DNAH11: variants seen among roughly 807,000 people sequenced by gnomAD.
DNAH11 encodes the protein dynein axonemal heavy chain 11.
Under a neutral mutation model 526.0 loss-of-function variants are expected in DNAH11, and 442 were observed. The observed-to-expected ratio is 0.84, with a 90% CI of 0.78 to 0.91. The LOEUF (loss-of-function observed/expected upper bound fraction) is 0.91, where lower values mean the gene tolerates loss of function less well. Among genes scored for constraint, DNAH11 ranks in the 40% least tolerant of loss-of-function variants. The pLI is 0.00. For synonymous variants in DNAH11, 2,461 were observed against 1,935.9 expected (o/e 1.27, Z -7.12); for missense variants, 6,989 against 5,448.7 (o/e 1.28, Z -8.90).
chr7:21,784,088 A>G (rs1017903844), intron 57 of DNAH11, among the ~76,000 whole-genome samples: 3 of 152,060 alleles, frequency 2.0e-5, no homozygotes, highest in Admixed American at 6.6e-5. Flanking sequence ...TTAATCCAGG[A>G]CTCTCTGAAA....
At chr7:21,563,267 G>A (rs1300711145) in intron 5 of DNAH11, among the ~76,000 whole-genome samples, 1 of 151,434 alleles carries the variant, frequency 6.6e-6, no homozygotes, top group Non-Finnish European at 1.5e-5. Flanking sequence ...GGAGTGCAGT[G>A]GTATGATCAT....
intron 25 of DNAH11, among the ~76,000 whole-genome samples, chr7:21,623,388 C>T (rs552401989): frequency 6.6e-6 from 1 of 152,110 alleles, no homozygotes; most frequent in Non-Finnish European, 1.5e-5. Flanking sequence ...TAGTTCAACC[C>T]TTGTGGAAGT....
At chr7:21,638,290 A>C (rs975995310) in intron 27 of DNAH11, among the ~76,000 whole-genome samples, 2 of 152,220 alleles carry the variant, frequency 1.3e-5, no homozygotes, top group African/African-American at 4.8e-5. Context: ...AGATCTAGAT[A>C]AAATTTTATA....
chr7:21,886,226 TATAATC>T (rs1457242114), intron 76 of DNAH11, among the ~76,000 whole-genome samples: 3 of 152,154 alleles, frequency 2.0e-5, no homozygotes, highest in African/African-American at 7.2e-5. Flanking sequence ...TGAGAAGTAA[TATAATC>T]ATATCAGTCT....
intron 65 of DNAH11, among the ~76,000 whole-genome samples, chr7:21,836,060 T>C (rs1188132151): frequency 6.6e-6 from 1 of 151,962 alleles, no homozygotes; most frequent in East Asian, 1.9e-4. Flanking sequence ...GAAAAATCCT[T>C]ACAAAGAAAA....
chr7:21,553,924 G>A, intron 2 of DNAH11, among the ~76,000 whole-genome samples: 1 of 151,114 alleles, frequency 6.6e-6, no homozygotes, highest in East Asian at 1.9e-4. Context: ...TTTTTTTAAT[G>A]TCAGGCCAGC....
At chr7:21,701,016 G>A (rs946668628) in intron 36 of DNAH11, among the ~76,000 whole-genome samples, 1 of 152,014 alleles carries the variant, frequency 6.6e-6, no homozygotes, top group Non-Finnish European at 1.5e-5. Context: ...TAGATAACAG[G>A]TTGATGGGTA....
chr7:21,571,873 C>G lies in DNAH11; in HGVS notation c.1493C>G (p.Ala498Gly), dbSNP rs372410430. ...ERLEFGGTKGAILNGQVHEMS... is the reference protein window; with the variant it reads ...ERLEFGGTKGGILNGQVHEMS... Reference sequence around the variant, plus strand: ...CTGGAATTTGGTGGTACCAAAGGAGCAATTTTAAATGGACAAGTCCACGAG... The same window carrying G: ...CTGGAATTTGGTGGTACCAAAGGAGGAATTTTAAATGGACAAGTCCACGAG... Residue 498 changes from alanine to glycine, a missense_variant, in exon 8 of 82, where the codon GCA (alanine) becomes GGA (glycine). Transcript: ENST00000409508. 1 of 1,612,938 alleles carries G rather than the reference C, an allele frequency of 6.2e-7. No homozygotes were observed. Among genetic ancestry groups the G allele is most frequent in the African/African-American group, 1.3e-5 (1 of 74,942 alleles).
At chr7:21,561,502 G>T (rs1274709929) in intron 5 of DNAH11, 1 of 200,916 alleles carries the variant, frequency 5.0e-6, no homozygotes, top group East Asian at 1.4e-4. Flanking sequence ...TTGGGCTATG[G>T]TGAGTCTAGT....
chr7:21,747,868 G>T (rs1786216984), intron 51 of DNAH11, among the ~76,000 whole-genome samples: 2 of 152,194 alleles, frequency 1.3e-5, no homozygotes. Flanking sequence ...AAGATTTCTG[G>T]CACAAGGCTA....
At chr7:21,579,000 C>A (rs1292448524) in intron 8 of DNAH11, among the ~76,000 whole-genome samples, 1 of 152,190 alleles carries the variant, frequency 6.6e-6, no homozygotes, top group African/African-American at 2.4e-5. Context: ...CCATCCAGTT[C>A]TTTCAGCTAT....
At chr7:21,777,072 A>G (rs549327092) in intron 56 of DNAH11, among the ~76,000 whole-genome samples, 7 of 152,048 alleles carry the variant, frequency 4.6e-5, no homozygotes, top group African/African-American at 1.7e-4. Context: ...TTATAACCAC[A>G]CCTACGTTAC....
rs575361564 is a variant in DNAH11, at chr7:21,758,514, C to T, written c.8941-6914C>T. Among the ~76,000 whole-genome samples the T allele has an allele frequency of 5.3e-5, 8 of 152,088 alleles. No homozygotes were observed. The East Asian group carries it at 1.5e-3, about 29-fold the overall frequency. On this transcript the variant is annotated intron_variant, in intron 54 of 81. Transcript: ENST00000409508. The stretch of plus-strand genomic sequence containing the variant: ...AATGTGACAGGGAGCAAAGGCCAAC[C>T]CAGCCACTGCCCACCTAGAGCCACC...
chr7:21,738,609 A>C, intron 46 of DNAH11, 92 bp from the exon 47 acceptor site: 2 of 1,324,708 alleles, frequency 1.5e-6, no homozygotes, highest in South Asian at 2.9e-5. Context: ...GGGTGGATGA[A>C]ATCGACAGAA....
chr7:21,678,695 G>A (rs1783010208), intron 30 of DNAH11, among the ~76,000 whole-genome samples: 1 of 152,134 alleles, frequency 6.6e-6, no homozygotes, highest in South Asian at 2.1e-4. Flanking sequence ...CAAGGGCATA[G>A]GATCATTCCA....
chr7:21,668,151 G>A (rs1782493409), intron 30 of DNAH11, among the ~76,000 whole-genome samples: 1 of 152,034 alleles, frequency 6.6e-6, no homozygotes, highest in South Asian at 2.1e-4. Flanking sequence ...CTTCTTTTTT[G>A]TGTGGATTTT....
chr7:21,632,804 C>T (rs1238463291), intron 25 of DNAH11, among the ~76,000 whole-genome samples: 1 of 152,188 alleles, frequency 6.6e-6, no homozygotes, highest in Non-Finnish European at 1.5e-5. Context: ...CCAACCTCTG[C>T]CTGTTACCCA....
chr7:21,816,438 A>C, intron 63 of DNAH11, 29 bp from the exon 64 acceptor site: 1 of 1,544,806 alleles, frequency 6.5e-7, no homozygotes, highest in Non-Finnish European at 8.8e-7. Context: ...CACATGACCA[A>C]TTTGTTGCAT....
chr7:21,680,903 G>A (rs563113320), intron 30 of DNAH11, among the ~76,000 whole-genome samples: 1 of 152,110 alleles, frequency 6.6e-6, no homozygotes, highest in Non-Finnish European at 1.5e-5. Context: ...TTTTTTGAAA[G>A]TTAGTCTAAT....
Sources: allele counts gnomAD v4.1 joint callset (sites outside exome capture counted in the v4.1 genomes callset), GRCh38; gene constraint gnomAD v4.1.1; transcripts MANE v1.5; gene names NCBI Gene and HGNC (gene_info 2026-07-23, HGNC 2026-07-21).